The following CHST12 variants were observed in gnomAD, a reference collection of about 807,000 sequenced individuals.
CHST12 encodes carbohydrate sulfotransferase 12.
CHST12 carries 23 observed loss-of-function variants against 27.9 expected under a neutral mutation model. The ratio of observed to expected loss-of-function variants is 0.82; its 90% CI spans 0.59 to 1.17. CHST12 has a LOEUF of 1.17. CHST12 is among the 50% of genes most tolerant of loss of function. The probability of loss-of-function intolerance (pLI) is 0.00; values close to 1 mark genes in which losing one functional copy is unlikely to be tolerated. For missense variants in CHST12, 682 were observed against 603.0 expected, an observed-to-expected ratio of 1.13 and a Z score of -1.37; for synonymous variants, 322 against 273.0, an observed-to-expected ratio of 1.18 and a Z score of -1.77.
chr7:2,428,014 C>T (rs929239273), intron 1 of CHST12, among the ~76,000 whole-genome samples: 1 of 151,706 alleles, frequency 6.6e-6, no homozygotes, highest in African/African-American at 2.4e-5. Flanking sequence ...GACGGGGTTT[C>T]ACCGTGTTTG....
rs1249802680 is a variant in CHST12, at chr7:2,425,213, A to C, written c.-77-7350A>C. On this transcript the variant is annotated intron_variant, in intron 1 of 1. Transcript: ENST00000618655. The stretch of plus-strand genomic sequence containing the variant: ...AGCAAGACTCCGTCTCAAAAAAAAA[A>C]AAAAAACAACAAACAAAAAAAAAAC... Among the ~76,000 whole-genome samples the C allele has an allele frequency of 4.7e-3, 521 of 111,530 alleles. 5 individuals carry two copies. The highest frequency in any genetic ancestry group is 0.018 in the African/African-American group (487 of 27,180). The allele number at this position is 111,530 out of a possible 152,430, so 73.2% of individuals were successfully genotyped here. A position where few individuals can be genotyped will look rare whatever the true frequency, so the allele number is the denominator to read the frequency against.
intron 1 of CHST12, among the ~76,000 whole-genome samples, chr7:2,412,570 C>A (rs775261355): frequency 1.3e-5 from 2 of 152,254 alleles, no homozygotes; most frequent in East Asian, 3.9e-4. Flanking sequence ...TATTTGGACA[C>A]GAAGAAGCTA....
intron 1 of CHST12, among the ~76,000 whole-genome samples, chr7:2,415,583 G>T (rs2115399899): frequency 6.6e-6 from 1 of 151,898 alleles, no homozygotes; most frequent in East Asian, 1.9e-4. Flanking sequence ...GGTTGCTGAA[G>T]GCTGGAGTGG....
chr7:2,417,482 C>G (rs916197738), intron 1 of CHST12, among the ~76,000 whole-genome samples: 1 of 151,376 alleles, frequency 6.6e-6, no homozygotes, highest in Non-Finnish European at 1.5e-5. Context: ...CTCCGCCTCC[C>G]AGGTTCAAAC....
rs1449229293 is a variant in CHST12, at chr7:2,447,895, A to G, written c.*14011A>G. 3 of 152,098 alleles carry G rather than the reference A, an allele frequency of 2.0e-5. No homozygotes were observed. Among genetic ancestry groups the G allele is most frequent in the Non-Finnish European group, 2.9e-5 (2 of 68,040 alleles). 9.4% of individuals were successfully genotyped at this position (152,098 alleles called of 1,614,324 possible). On this transcript the variant is annotated 3_prime_UTR_variant, in exon 2 of 2. Coordinates refer to ENST00000618655, the MANE Select transcript of CHST12 (RefSeq NM_018641.5). Reference sequence around the variant, plus strand: ...ACACTTTTTTTGTTGTTGTTGAGGCAGAGCCTCACTCTGTCGCCCAGGCAG... The same window carrying G: ...ACACTTTTTTTGTTGTTGTTGAGGCGGAGCCTCACTCTGTCGCCCAGGCAG...
At position 2,442,455 on chromosome 7, in the gene CHST12, C is replaced by T. The variant is rs559160800; in HGVS notation, c.*8571C>T. The T allele has an allele frequency of 6.6e-6, 1 of 152,250 alleles. No homozygotes were observed. The highest frequency in any genetic ancestry group is 1.5e-5 in the Non-Finnish European group (1 of 68,074). The allele number at this position is 152,250 out of a possible 1,614,324, so 9.4% of individuals were successfully genotyped here. A position where few individuals can be genotyped will look rare whatever the true frequency, so the allele number is the denominator to read the frequency against. On this transcript the variant is annotated 3_prime_UTR_variant, in exon 2 of 2. Coordinates refer to ENST00000618655, the MANE Select transcript of CHST12 (RefSeq NM_018641.5). Reference sequence around the variant, plus strand: ...CTCAGCTCACTGCAAGCTCCGCCTCCCAGGTTCAGGCCATTCTCCTGCCTC... The same window carrying T: ...CTCAGCTCACTGCAAGCTCCGCCTCTCAGGTTCAGGCCATTCTCCTGCCTC...
At position 2,438,509 on chromosome 7, in the gene CHST12, C is replaced by T. The variant is rs1428759662; in HGVS notation, c.*4625C>T. On this transcript the variant is annotated 3_prime_UTR_variant, in exon 2 of 2. Coordinates refer to ENST00000618655, the MANE Select transcript of CHST12 (RefSeq NM_018641.5). ...ACCACCCAGCCCCCAAGGATGCCAT[C>T]ACCAGGCTGGGGCGCTCCCATGCCC... 6 of 152,258 alleles carry T rather than the reference C, an allele frequency of 3.9e-5. No homozygotes were observed. The highest frequency in any genetic ancestry group is 3.9e-4 in the Admixed American group (6 of 15,280). 9.4% of individuals were successfully genotyped at this position (152,258 alleles called of 1,614,324 possible). A position where few individuals can be genotyped will look rare whatever the true frequency, so the allele number is the denominator to read the frequency against.
In CHST12 at chr7:2,444,295, A is replaced by C; in HGVS notation, c.*10411A>C. 6.6e-6 allele frequency: 1 copy of C among 150,492 alleles called. No homozygotes were observed. Among genetic ancestry groups the C allele is most frequent in the Non-Finnish European group, 1.5e-5 (1 of 67,594 alleles). 9.3% of individuals were successfully genotyped at this position (150,492 alleles called of 1,614,324 possible). A position where few individuals can be genotyped will look rare whatever the true frequency, so the allele number is the denominator to read the frequency against. ...CGAGACTCCGTCTCAAAAAAAAAAA[A>C]AAAAAAAAAAAAATACAAAAATTAG... On this transcript the variant is annotated 3_prime_UTR_variant, in exon 2 of 2. Transcript: ENST00000618655.
In CHST12 at chr7:2,436,680, G is replaced by A. The variant is rs558917539; in HGVS notation, c.*2796G>A. The A allele has an allele frequency of 5.9e-5, 9 of 152,370 alleles. No homozygotes were observed. In the East Asian group the frequency reaches 1.7e-3, roughly 29 times the overall value. 9.4% of individuals were successfully genotyped at this position (152,370 alleles called of 1,614,324 possible). A position where few individuals can be genotyped will look rare whatever the true frequency, so the allele number is the denominator to read the frequency against. On this transcript the variant is annotated 3_prime_UTR_variant, in exon 2 of 2. Coordinates refer to ENST00000618655, the MANE Select transcript of CHST12 (RefSeq NM_018641.5). Reference sequence around the variant, plus strand: ...CCTCCCCGGGATGCGTTTGTTTATAGGATGTTCAGACGAATGTCAGAACCC... The same window carrying A: ...CCTCCCCGGGATGCGTTTGTTTATAAGATGTTCAGACGAATGTCAGAACCC...
intron 1 of CHST12, among the ~76,000 whole-genome samples, chr7:2,421,425 G>GT (rs1190374363): frequency 4.7e-3 from 594 of 127,278 alleles, no homozygotes; most frequent in African/African-American, 0.013. Flanking sequence ...TTTTAGTTTG[G>GT]TTTTTTTTTT....
chr7:2,447,084 A>C lies in CHST12; in HGVS notation c.*13200A>C, dbSNP rs2969058. On this transcript the variant is annotated 3_prime_UTR_variant, in exon 2 of 2. Coordinates refer to ENST00000618655, the MANE Select transcript of CHST12 (RefSeq NM_018641.5). ...AGGGCCCAGCTGCAGAGCAGAGGAG[A>C]GTGGCCCCCAGGGACCAGCAGCACG... 1 of 152,186 alleles carries C rather than the reference A, an allele frequency of 6.6e-6. No homozygotes were observed. The highest frequency in any genetic ancestry group is 6.6e-5 in the Admixed American group (1 of 15,266). The allele number at this position is 152,186 out of a possible 1,614,324, so 9.4% of individuals were successfully genotyped here. A position where few individuals can be genotyped will look rare whatever the true frequency, so the allele number is the denominator to read the frequency against.
chr7:2,427,309 G>A (rs117805339), intron 1 of CHST12, among the ~76,000 whole-genome samples: 2,031 of 152,262 alleles, frequency 0.013, 24 homozygotes, highest in Middle Eastern at 0.041. Context: ...GACCAGCCGG[G>A]TTAACATGGT....
intron 1 of CHST12, among the ~76,000 whole-genome samples, chr7:2,420,274 G>A (rs1409527741): frequency 2.6e-5 from 4 of 152,034 alleles, no homozygotes; most frequent in Non-Finnish European, 5.9e-5. Context: ...CACCGGCCAA[G>A]TATTTGTCCT....
At position 2,426,669 on chromosome 7, in the gene CHST12, TA is replaced by T. The variant is rs200125463; in HGVS notation, c.-77-5887del. Among the ~76,000 whole-genome samples, 825 of 151,562 alleles carry T rather than the reference TA, an allele frequency of 5.4e-3. 8 individuals are homozygous for T. Among genetic ancestry groups the T allele is most frequent in the African/African-American group, 0.019 (802 of 41,324 alleles). ...AAAGCACTCAGATTGTTGCTAATAT[TA>T]AAAAAATATAACATACAAGAGTGAC... On this transcript the variant is annotated intron_variant, in intron 1 of 1. Coordinates refer to ENST00000618655, the MANE Select transcript of CHST12 (RefSeq NM_018641.5).
intron 1 of CHST12, among the ~76,000 whole-genome samples, chr7:2,410,213 G>A (rs1781632566): frequency 6.6e-6 from 1 of 152,198 alleles, no homozygotes; most frequent in Admixed American, 6.5e-5. Flanking sequence ...TCTGGTTTTT[G>A]TTAGAACATC....
intron 1 of CHST12, among the ~76,000 whole-genome samples, chr7:2,429,639 G>C (rs115850172): frequency 2.0e-5 from 3 of 152,206 alleles, no homozygotes; most frequent in Admixed American, 1.3e-4. Context: ...GTTTCATCTA[G>C]GTTGCTAAAT....
In CHST12 at chr7:2,403,667, T is replaced by TGGTGAGGGG. The variant is rs1562505828; in HGVS notation, c.-84_-83insGGTGAGGGG. ...CGAGGTGAGGGGCGCGAGGTGAGGG[T>TGGTGAGGGG]CGCGAGGTGAGGGGCGCGGCGGGCG... On this transcript the variant is annotated 5_prime_UTR_variant, in exon 1 of 2. Transcript: ENST00000618655. The TGGTGAGGGG allele has an allele frequency of 6.7e-6, 1 of 148,362 alleles. No individual in the cohort carries two copies. 9.2% of individuals were successfully genotyped at this position (148,362 alleles called of 1,614,324 possible).
intron 1 of CHST12, among the ~76,000 whole-genome samples, chr7:2,425,972 G>A (rs904162316): frequency 2.0e-5 from 3 of 152,154 alleles, no homozygotes; most frequent in African/African-American, 7.2e-5. Flanking sequence ...GGGCCTGGCA[G>A]AAGGCAGTAA....
Position 2,441,715 on chromosome 7 carries a change from G to A in CHST12, c.*7831G>A, listed in dbSNP as rs905592457. On this transcript the variant is annotated 3_prime_UTR_variant, in exon 2 of 2. Coordinates refer to ENST00000618655, the MANE Select transcript of CHST12 (RefSeq NM_018641.5). The stretch of plus-strand genomic sequence containing the variant: ...CTTAAAAAAAAAAAAAAAAAAAAAG[G>A]TGTTGTATTTTATCATTAGAAGGCC... 1 of 149,188 alleles carries A rather than the reference G, an allele frequency of 6.7e-6. No individual in the cohort carries two copies. Among genetic ancestry groups the A allele is most frequent in the African/African-American group, 2.5e-5 (1 of 40,302 alleles). 9.2% of individuals were successfully genotyped at this position (149,188 alleles called of 1,614,324 possible).
Sources: gnomAD v4.1 joint callset for allele counts (sites outside exome capture counted in the v4.1 genomes callset) on GRCh38, gnomAD v4.1.1 for gene constraint, MANE v1.5 for transcripts, NCBI Gene and HGNC (gene_info 2026-07-23, HGNC 2026-07-21) for gene names.